The following STK39 variants were observed in gnomAD, a reference collection of about 807,000 sequenced individuals.
STK39 encodes STE20/SPS1-related proline-alanine-rich protein kinase.
STK39 carries 20 observed loss-of-function variants against 77.8 expected under a neutral mutation model. The ratio of observed to expected loss-of-function variants is 0.26; its 90% CI spans 0.18 to 0.37. The LOEUF is 0.37. Among genes scored for constraint, STK39 ranks in the 10% least tolerant of loss-of-function variants. The pLI is 1.00. For missense variants in STK39, 479 were observed against 656.5 expected (o/e 0.73, Z 2.95); for synonymous variants, 246 against 234.1 (o/e 1.05, Z -0.47).
At chr2:168,235,317 C>A (rs963411002) in intron 1 of STK39, among the ~76,000 whole-genome samples, 1 of 151,644 alleles carries the variant, frequency 6.6e-6, no homozygotes, top group Non-Finnish European at 1.5e-5. Context: ...GGACTACAGG[C>A]GTCCCTGAGC....
chr2:168,208,959 T>C (rs1223862686), intron 1 of STK39, among the ~76,000 whole-genome samples: 1 of 152,212 alleles, frequency 6.6e-6, no homozygotes. Flanking sequence ...TCTCCTGTGA[T>C]GTGGGGTTGT....
At chr2:167,986,673 A>G (rs148663612) in intron 16 of STK39, among the ~76,000 whole-genome samples, 1 of 152,326 alleles carries the variant, frequency 6.6e-6, no homozygotes, top group East Asian at 1.9e-4. Flanking sequence ...GAAATAAAAA[A>G]CAGAAGGAGA....
chr2:168,036,113 G>C (rs1049860835), intron 14 of STK39, among the ~76,000 whole-genome samples: 2 of 152,078 alleles, frequency 1.3e-5, no homozygotes, highest in African/African-American at 4.8e-5. Context: ...GTCAGACATG[G>C]CCAGATTTAC....
chr2:168,047,912 C>T (rs1226669982), intron 14 of STK39, among the ~76,000 whole-genome samples: 2 of 152,204 alleles, frequency 1.3e-5, no homozygotes, highest in Non-Finnish European at 2.9e-5. Flanking sequence ...AAAACTCAAC[C>T]AAAACTCATA....
intron 1 of STK39, among the ~76,000 whole-genome samples, chr2:168,223,966 C>T (rs761847503): frequency 2.0e-5 from 3 of 152,048 alleles, no homozygotes; most frequent in Non-Finnish European, 4.4e-5. Flanking sequence ...AAAATTCTCC[C>T]CAGAGTCAAA....
chr2:167,964,776 A>C, intron 16 of STK39, 50 bp from the exon 17 acceptor site: 1 of 1,504,498 alleles, frequency 6.6e-7, no homozygotes, highest in South Asian at 1.2e-5. Context: ...TTCCAATAAC[A>C]GTGGATTTTC....
chr2:168,143,712 CAA>C (rs3063798), intron 5 of STK39, among the ~76,000 whole-genome samples: 32,383 of 139,436 alleles, frequency 0.23, 4,521 homozygotes, highest in East Asian at 0.44. Context: ...GACTTTGTCT[CAA>C]AAAAAAAAAA....
At chr2:168,103,475 C>G (rs1574467694) in intron 10 of STK39, among the ~76,000 whole-genome samples, 1 of 152,156 alleles carries the variant, frequency 6.6e-6, no homozygotes, top group African/African-American at 2.4e-5. Context: ...GAAAACATTG[C>G]CCTTCTTTGT....
chr2:168,232,889 G>A (rs181524077), intron 1 of STK39, among the ~76,000 whole-genome samples: 41 of 150,668 alleles, frequency 2.7e-4, no homozygotes, highest in Admixed American at 2.1e-3. Flanking sequence ...TCCAGCCTGG[G>A]CGACAGAGTG....
At position 168,060,147 on chromosome 2, in the gene STK39, C is replaced by T. The variant is rs111825194; in HGVS notation, c.1376+3353G>A. Among the ~76,000 whole-genome samples, 142 of 152,102 alleles carry T rather than the reference C, an allele frequency of 9.3e-4. 1 individual carries two copies. Among genetic ancestry groups the T allele is most frequent in the African/African-American group, 3.3e-3 (137 of 41,500 alleles). On this transcript the variant is annotated intron_variant, in intron 14 of 17. Transcript: ENST00000355999. ...ACATCCCCCCCCTTTCCACCCCACT[C>T]CAACAATAATTTCTCAGAGATTCAT...
rs201684592 is a variant in STK39 at position 168,163,752 on chromosome 2, C to T, written c.559G>A (p.Gly187Ser). Residue 187 changes from glycine (G) to serine (S), a missense_variant, in exon 4 of 18, where the codon GGT (glycine) becomes AGT (serine). Physicochemically the swap from Gly to Ser is moderately conservative, Grantham distance 56. Coordinates refer to ENST00000355999, the MANE Select transcript of STK39 (RefSeq NM_013233.3). The part of the protein sequence containing the change: ...LEGLDYLHRN[G>S]QIHRDLKAGN... ...CAGAGGTCATACCTGTGAATCTGAC[C>T]GTTTCTGTGTAGATAGTCTAAGCCT... 1.9e-6 allele frequency: 3 copies of T among 1,613,814 alleles called. No individual in the cohort carries two copies. Among genetic ancestry groups the T allele is most frequent in the Non-Finnish European group, 8.5e-7 (1 of 1,179,884 alleles).
chr2:167,981,937 G>C (rs1038088828), intron 16 of STK39, among the ~76,000 whole-genome samples: 2 of 152,152 alleles, frequency 1.3e-5, no homozygotes, highest in Admixed American at 1.3e-4. Flanking sequence ...GCAGCTAACT[G>C]TTTCTAGTTA....
intron 14 of STK39, among the ~76,000 whole-genome samples, chr2:168,047,602 C>T (rs1339291110): frequency 6.6e-6 from 1 of 152,150 alleles, no homozygotes; most frequent in African/African-American, 2.4e-5. Flanking sequence ...CATTGGTGGG[C>T]ATGCTGGTAA....
intron 1 of STK39, among the ~76,000 whole-genome samples, chr2:168,215,650 ATAAT>A (rs999355294): frequency 4.4e-4 from 67 of 152,312 alleles, no homozygotes; most frequent in African/African-American, 1.5e-3. Flanking sequence ...GCCCTTTCTA[ATAAT>A]TAGTCACGAA....
chr2:168,182,319 A>G (rs1689101425), intron 1 of STK39, among the ~76,000 whole-genome samples: 1 of 151,992 alleles, frequency 6.6e-6, no homozygotes. Context: ...GACACAGGGG[A>G]CAAGGGACAT....
chr2:168,075,270 A>T (rs1559084835), intron 10 of STK39, 39 bp from the exon 11 acceptor site: 2 of 1,610,500 alleles, frequency 1.2e-6, no homozygotes, highest in Admixed American at 1.7e-5. Context: ...TCACTAGTCA[A>T]ATGTGAACCA....
chr2:168,062,960 C>T (rs1685700114), intron 14 of STK39, among the ~76,000 whole-genome samples: 3 of 152,074 alleles, frequency 2.0e-5, no homozygotes, highest in African/African-American at 7.2e-5. Flanking sequence ...CTTTCATTCA[C>T]ACTACTGCAG....
chr2:168,085,681 G>A (rs551437805), intron 10 of STK39, among the ~76,000 whole-genome samples: 1 of 152,306 alleles, frequency 6.6e-6, no homozygotes, highest in South Asian at 2.1e-4. Context: ...CCAGAGCGTA[G>A]ATAGATAGCA....
chr2:168,125,921 A>G (rs1687528623), intron 10 of STK39, among the ~76,000 whole-genome samples: 1 of 152,224 alleles, frequency 6.6e-6, no homozygotes, highest in Non-Finnish European at 1.5e-5. Context: ...GCTAAAGGGC[A>G]GCACTGGTGG....
Sources: gnomAD v4.1 joint callset for allele counts (sites outside exome capture counted in the v4.1 genomes callset) on GRCh38, gnomAD v4.1.1 for gene constraint, MANE v1.5 for transcripts, NCBI Gene and HGNC (gene_info 2026-07-23, HGNC 2026-07-21) for gene names.